Variants in GGACT observed in about 807,000 individuals in gnomAD.
GGACT encodes the protein gamma-glutamylamine cyclotransferase, also known as gamma-glutamylaminecyclotransferase.
For synonymous variants in GGACT, 118 were observed against 115.3 expected (o/e 1.02, Z -0.15); for missense variants, 241 against 233.2 (o/e 1.03, Z -0.22).
At chr13:100,550,416 C>G (rs1249608345) in intron 2 of GGACT, among the ~76,000 whole-genome samples, 1 of 85,436 alleles carries the variant, frequency 1.2e-5, no homozygotes, top group Non-Finnish European at 2.2e-5. Flanking sequence ...CGATTATACT[C>G]TACACACACA....
At chr13:100,570,293 G>T (rs530235322) in intron 2 of GGACT, among the ~76,000 whole-genome samples, 1 of 152,276 alleles carries the variant, frequency 6.6e-6, no homozygotes, top group South Asian at 2.1e-4. Flanking sequence ...AAAAGGAAGA[G>T]GTTTAATCGA....
At chr13:100,532,780 A>G (rs2088433745) in intron 2 of GGACT, among the ~76,000 whole-genome samples, 179 bp from the exon 3 acceptor site, 1 of 152,242 alleles carries the variant, frequency 6.6e-6, no homozygotes, top group Non-Finnish European at 1.5e-5. Flanking sequence ...GTTTTCACAC[A>G]TCATGAGATA....
Position 100,530,681 on chromosome 13 carries a change from G to A in GGACT, c.*1449C>T, listed in dbSNP as rs2088346995. 1 of 219,218 alleles carries A rather than the reference G, an allele frequency of 4.6e-6. No homozygotes were observed. The highest frequency in any genetic ancestry group is 9.1e-6 in the Non-Finnish European group (1 of 109,764). 13.6% of individuals were successfully genotyped at this position (219,218 alleles called of 1,614,324 possible). On this transcript the variant is annotated 3_prime_UTR_variant, in exon 3 of 3. Transcript: ENST00000683975. ...TTCCTAAGGACCAGAGACTGCAAAT[G>A]CAGATTTTGGCAATCCCTTTCCTGC...
intron 2 of GGACT, among the ~76,000 whole-genome samples, chr13:100,580,324 G>C (rs7993332): frequency 0.69 from 104,338 of 152,110 alleles, 36,381 homozygotes; most frequent in South Asian, 0.86. Flanking sequence ...CACGGGCCCT[G>C]AATCCAATGG....
chr13:100,548,393 T>C (rs532512927), intron 2 of GGACT, among the ~76,000 whole-genome samples: 1 of 152,374 alleles, frequency 6.6e-6, no homozygotes, highest in South Asian at 2.1e-4. Context: ...CAACTTTAAG[T>C]TAGAAGAAGC....
intron 2 of GGACT, among the ~76,000 whole-genome samples, chr13:100,550,134 T>C (rs1486087840): frequency 1.3e-5 from 2 of 152,240 alleles, no homozygotes; most frequent in South Asian, 2.1e-4. Context: ...ATCTGCCACA[T>C]TCCTGTGAGT....
At chr13:100,560,217 T>TA (rs1353682826) in intron 2 of GGACT, among the ~76,000 whole-genome samples, 1 of 152,076 alleles carries the variant, frequency 6.6e-6, no homozygotes, top group Non-Finnish European at 1.5e-5. Flanking sequence ...GTTGACCCTT[T>TA]AAAAAAACGC....
At position 100,531,879 on chromosome 13, in the gene GGACT, G is replaced by A. The variant is rs950457182; in HGVS notation, c.*251C>T. ...GAGGAAGAAGAATTAGGCATAACAC[G>A]AGTTCTCTAAATGTCATTTAGGGGA... On this transcript the variant is annotated 3_prime_UTR_variant, in exon 3 of 3. Coordinates refer to ENST00000683975, the MANE Select transcript of GGACT (RefSeq NM_001195087.2). 1.2e-5 allele frequency: 5 copies of A among 401,034 alleles called. No homozygotes were observed. Among genetic ancestry groups the A allele is most frequent in the Non-Finnish European group, 2.2e-5 (5 of 226,976 alleles). The allele number at this position is 401,034 out of a possible 1,614,324, so 24.8% of individuals were successfully genotyped here. A position where few individuals can be genotyped will look rare whatever the true frequency, so the allele number is the denominator to read the frequency against.
chr13:100,576,883 T>C (rs1429296564), intron 2 of GGACT, among the ~76,000 whole-genome samples: 4 of 152,186 alleles, frequency 2.6e-5, no homozygotes, highest in Admixed American at 2.0e-4. Context: ...TTTAAAGCTA[T>C]TCACATTGTA....
intron 2 of GGACT, among the ~76,000 whole-genome samples, chr13:100,544,382 C>T (rs1325380984): frequency 1.3e-5 from 2 of 152,372 alleles, no homozygotes; most frequent in East Asian, 1.9e-4. Context: ...GGGCTCGGGC[C>T]GCATCCTGTT....
At position 100,534,190 on chromosome 13, in the gene GGACT, C is replaced by CA. The variant is rs1017432326; in HGVS notation, c.-10-1590dup. ...CACGTCTGCTGCCTCTTGGTTCTAT[C>CA]ACCAGCCTGTGCAACAACAGTATTC... On this transcript the variant is annotated intron_variant, in intron 2 of 2. Coordinates refer to ENST00000683975, the MANE Select transcript of GGACT (RefSeq NM_001195087.2). The surrounding 1 kb of genome is among the most constrained non-coding windows in gnomAD (Gnocchi z 4.9). Among the ~76,000 whole-genome samples, 2 of 152,230 alleles carry CA rather than the reference C, an allele frequency of 1.3e-5. No homozygotes were observed. The highest frequency in any genetic ancestry group is 4.8e-5 in the African/African-American group (2 of 41,460).
intron 2 of GGACT, among the ~76,000 whole-genome samples, chr13:100,553,308 G>T (rs2088682722): frequency 6.6e-6 from 1 of 152,186 alleles, no homozygotes; most frequent in Admixed American, 6.5e-5. Flanking sequence ...AAATGTGAAT[G>T]CAGGTTCACC....
At chr13:100,567,146 C>T (rs1874911725) in intron 2 of GGACT, among the ~76,000 whole-genome samples, 1 of 152,208 alleles carries the variant, frequency 6.6e-6, no homozygotes, top group African/African-American at 2.4e-5. Flanking sequence ...TTATTGATGA[C>T]ATTCACTCTG....
At chr13:100,557,911 C>A (rs985012836) in intron 2 of GGACT, among the ~76,000 whole-genome samples, 1 of 152,018 alleles carries the variant, frequency 6.6e-6, no homozygotes, top group African/African-American at 2.4e-5. Flanking sequence ...AGGCTGGGCA[C>A]GGTGGCTCAT....
intron 2 of GGACT, among the ~76,000 whole-genome samples, chr13:100,565,812 G>A (rs1188725575): frequency 6.6e-6 from 1 of 152,138 alleles, no homozygotes; most frequent in Non-Finnish European, 1.5e-5. Flanking sequence ...CCAAGCCCAT[G>A]CCTGGCATCC....
chr13:100,584,965 G>C (rs1875523743), intron 1 of GGACT, among the ~76,000 whole-genome samples: 2 of 152,134 alleles, frequency 1.3e-5, no homozygotes, highest in Admixed American at 1.3e-4. Context: ...GGGTTTCCAA[G>C]TCTTTAAAGT....
intron 2 of GGACT, among the ~76,000 whole-genome samples, chr13:100,549,204 G>C (rs1249225258): frequency 6.6e-6 from 1 of 152,144 alleles, no homozygotes; most frequent in African/African-American, 2.4e-5. Flanking sequence ...AGCCAGATGT[G>C]GTGGGTGCCT....
At position 100,580,876 on chromosome 13, in the gene GGACT, G is replaced by A. The variant is rs140522755; in HGVS notation, c.-11+2949C>T. On this transcript the variant is annotated intron_variant, in intron 2 of 2. Transcript: ENST00000683975. ...GGAACTGTGTATATTCATAAAAACC[G>A]GGCTCTCGTTGTTTAAGTGGTTCCC... Among the ~76,000 whole-genome samples, 413 of 152,276 alleles carry A rather than the reference G, an allele frequency of 2.7e-3. 13 individuals are homozygous for A. The East Asian group carries it at 0.053, about 19-fold the overall frequency.
chr13:100,581,241 T>C lies in GGACT; in HGVS notation c.-11+2584A>G, dbSNP rs747579707. Among the ~76,000 whole-genome samples the C allele has an allele frequency of 3.3e-5, 5 of 152,318 alleles. No individual in the cohort carries two copies. The South Asian group carries it at 6.2e-4, about 19-fold the overall frequency. On this transcript the variant is annotated intron_variant, in intron 2 of 2. Coordinates refer to ENST00000683975, the MANE Select transcript of GGACT (RefSeq NM_001195087.2). ...ACACCAGCATCCAGCTTGTGGTTTCTAACACCATCTCCAACAGAGGGGACC... is the reference window on the plus strand; with the variant it reads ...ACACCAGCATCCAGCTTGTGGTTTCCAACACCATCTCCAACAGAGGGGACC...
Sources: gnomAD v4.1 joint callset for allele counts (sites outside exome capture counted in the v4.1 genomes callset) on GRCh38, gnomAD v4.1.1 for gene constraint, Gnocchi (gnomAD v3.1) non-coding constraint, MANE v1.5 for transcripts, NCBI Gene and HGNC (gene_info 2026-07-23, HGNC 2026-07-21) for gene names.